GNAO1: variants seen among roughly 807,000 people sequenced by gnomAD.
GNAO1 encodes the protein guanine nucleotide-binding protein G(o) subunit alpha.
For missense variants in GNAO1, 166 were observed against 478.7 expected, an observed-to-expected ratio of 0.35 and a Z score of 6.10; for synonymous variants, 164 against 180.7, an observed-to-expected ratio of 0.91 and a Z score of 0.74.
chr16:56,216,691 G>C (rs1282440201), intron 2 of GNAO1, among the ~76,000 whole-genome samples: 1 of 152,230 alleles, frequency 6.6e-6, no homozygotes, highest in African/African-American at 2.4e-5. Context: ...TAAAATATAA[G>C]CTGTCAACAA....
intron 2 of GNAO1, among the ~76,000 whole-genome samples, chr16:56,236,992 G>A (rs538461203): frequency 6.6e-6 from 1 of 152,332 alleles, no homozygotes; most frequent in Admixed American, 6.5e-5. Context: ...TGCCTCAGTA[G>A]CCTCATCTGT....
intron 2 of GNAO1, among the ~76,000 whole-genome samples, chr16:56,258,171 C>T (rs1384036139): frequency 6.6e-6 from 1 of 152,194 alleles, no homozygotes; most frequent in Non-Finnish European, 1.5e-5. Flanking sequence ...TCTTATACTT[C>T]CCACCATTAC....
intron 3 of GNAO1, among the ~76,000 whole-genome samples, chr16:56,303,598 G>A (rs966452382): frequency 1.3e-5 from 2 of 152,192 alleles, no homozygotes; most frequent in African/African-American, 4.8e-5. Context: ...AGAGCCCCTC[G>A]TGACTGTCAG....
At chr16:56,276,875 G>T (rs1478512396) in intron 3 of GNAO1, 2 of 152,140 alleles carry the variant, frequency 1.3e-5, no homozygotes, top group African/African-American at 4.8e-5. Flanking sequence ...GGAGAAGGGG[G>T]CGGAGGGCAG....
intron 3 of GNAO1, among the ~76,000 whole-genome samples, chr16:56,316,747 G>A (rs1267379737): frequency 4.6e-5 from 7 of 152,214 alleles, no homozygotes; most frequent in African/African-American, 1.7e-4. Flanking sequence ...GGCACGGGCA[G>A]GGCAGGGTCC....
chr16:56,214,835 TGCCTGGCCTGG>T (rs1307374196), intron 2 of GNAO1, among the ~76,000 whole-genome samples: 4 of 152,260 alleles, frequency 2.6e-5, no homozygotes, highest in African/African-American at 9.6e-5. Flanking sequence ...CCATGGCCTG[TGCCTGGCCTGG>T]GCCCCCTCAC....
rs369344315 is a variant in GNAO1, at chr16:56,323,041, G to A, written c.304-5590G>A. On this transcript the variant is annotated intron_variant, in intron 3 of 8. Transcript: ENST00000262493. ...GTGTTGCTGTGCGCTGTGGGAGCAG[G>A]GAGGTGGGCTTCCCTAAGGAGGTGA... 4.9e-4 allele frequency among the ~76,000 whole-genome samples: 74 copies of A among 152,314 alleles called. No individual in the cohort carries two copies. The South Asian group carries it at 0.011, about 23-fold the overall frequency.
At chr16:56,234,437 A>G (rs1358739099) in intron 2 of GNAO1, among the ~76,000 whole-genome samples, 1 of 152,218 alleles carries the variant, frequency 6.6e-6, no homozygotes, top group East Asian at 1.9e-4. Flanking sequence ...CTGCAGCTGA[A>G]TACTGTCTTT....
chr16:56,354,767 G>A lies in GNAO1; in HGVS notation c.878-99G>A. 1.4e-6 allele frequency: 1 copy of A among 691,392 alleles called. No individual in the cohort carries two copies. Among genetic ancestry groups the A allele is most frequent in the Non-Finnish European group, 2.5e-6 (1 of 394,532 alleles). 42.8% of individuals were successfully genotyped at this position (691,392 alleles called of 1,614,324 possible). ...CCCTTCCTGTCTCATCCCACTTCCTGGGACACGCCACAACCCACTTCTTGT... is the reference window on the plus strand; with the variant it reads ...CCCTTCCTGTCTCATCCCACTTCCTAGGACACGCCACAACCCACTTCTTGT... On this transcript the variant is annotated intron_variant, in intron 7 of 8. Coordinates refer to ENST00000262493, the MANE Select transcript of GNAO1 (RefSeq NM_020988.3). The surrounding 1 kb of genome is among the most constrained non-coding windows in gnomAD (Gnocchi z 4.3).
At chr16:56,199,316 C>A (rs2036261313) in intron 2 of GNAO1, among the ~76,000 whole-genome samples, 1 of 152,188 alleles carries the variant, frequency 6.6e-6, no homozygotes, top group Admixed American at 6.5e-5. Flanking sequence ...ACTTTTCATG[C>A]AGACATGGTT....
At chr16:56,336,615 C>A in intron 5 of GNAO1, 116 bp from the exon 6 acceptor site, 1 of 929,682 alleles carries the variant, frequency 1.1e-6, no homozygotes, top group Non-Finnish European at 1.6e-6. Context: ...GGGCTTTTAG[C>A]AAGGCTCTGA....
chr16:56,332,035 A>G (rs564923820), intron 4 of GNAO1, among the ~76,000 whole-genome samples: 1 of 152,210 alleles, frequency 6.6e-6, no homozygotes, highest in South Asian at 2.1e-4. Context: ...TGGCAGGTAC[A>G]TCAGATTCTG....
intron 2 of GNAO1, among the ~76,000 whole-genome samples, chr16:56,221,651 CAAAA>C (rs11306838): frequency 0.052 from 4,387 of 83,950 alleles, 60 homozygotes; most frequent in African/African-American, 0.068. Flanking sequence ...GACTGCATCT[CAAAA>C]AAAAAAAAAA....
At chr16:56,331,793 C>G (rs2037691167) in intron 4 of GNAO1, among the ~76,000 whole-genome samples, 1 of 152,166 alleles carries the variant, frequency 6.6e-6, no homozygotes, top group Non-Finnish European at 1.5e-5. Flanking sequence ...ATTCATATCG[C>G]CAGCCCAGCC....
chr16:56,343,539 T>C (rs964130971), intron 6 of GNAO1, among the ~76,000 whole-genome samples: 10 of 151,836 alleles, frequency 6.6e-5, no homozygotes, highest in Non-Finnish European at 8.8e-5. Context: ...GACCTGATAT[T>C]TTGTATCTTT....
At position 56,218,444 on chromosome 16, in the gene GNAO1, G is replaced by A. The variant is rs190510397; in HGVS notation, c.161+25828G>A. Among the ~76,000 whole-genome samples, 363 of 152,292 alleles carry A rather than the reference G, an allele frequency of 2.4e-3. 1 individual carries two copies. Among genetic ancestry groups the A allele is most frequent in the African/African-American group, 8.4e-3 (348 of 41,552 alleles). ...CACGTGCCCTGCTGCAGCAGGCTCG[G>A]CAGGAGAGATTTTCGGCAGATAAAA... On this transcript the variant is annotated intron_variant, in intron 2 of 8. Coordinates refer to ENST00000262493, the MANE Select transcript of GNAO1 (RefSeq NM_020988.3).
chr16:56,338,209 G>A (rs1474882163), intron 6 of GNAO1, among the ~76,000 whole-genome samples: 1 of 152,120 alleles, frequency 6.6e-6, no homozygotes, highest in Non-Finnish European at 1.5e-5. Context: ...GGGTAGTCTG[G>A]ACCCGTTCCG....
At chr16:56,235,444 T>C in intron 2 of GNAO1, 1 of 455,450 alleles carries the variant, frequency 2.2e-6, no homozygotes, top group South Asian at 1.5e-5. Flanking sequence ...GGCAAGGGGC[T>C]CTGCTGCTGC....
chr16:56,249,223 G>T (rs949517795), intron 2 of GNAO1, among the ~76,000 whole-genome samples: 21 of 152,142 alleles, frequency 1.4e-4, no homozygotes, highest in Admixed American at 3.9e-4. Flanking sequence ...TGGAGGTGAT[G>T]GTCTCTGAGA....
Sources: gnomAD v4.1 joint callset for allele counts (sites outside exome capture counted in the v4.1 genomes callset) on GRCh38, gnomAD v4.1.1 for gene constraint, Gnocchi (gnomAD v3.1) non-coding constraint, MANE v1.5 for transcripts, NCBI Gene and HGNC (gene_info 2026-07-23, HGNC 2026-07-21) for gene names.